Variants in MATN4 observed in about 807,000 individuals in gnomAD.
MATN4 encodes the protein matrilin-4.
Under a neutral mutation model 54.6 loss-of-function variants are expected in MATN4, and 40 were observed. That is an observed-to-expected ratio of 0.73 (90% CI 0.57 to 0.95). MATN4 has a LOEUF of 0.95. MATN4 is among the 40% of genes least tolerant of loss of function. MATN4 has a pLI of 0.00. For missense variants in MATN4, 810 were observed against 819.1 expected (o/e 0.99, Z 0.13); for synonymous variants, 351 against 345.3 (o/e 1.02, Z -0.18).
Position 45,300,874 on chromosome 20 carries a change from G to A in MATN4, c.1012+13C>T, listed in dbSNP as rs780267234. On this transcript the variant is annotated intron_variant, in intron 6 of 9. Coordinates refer to ENST00000372756, the MANE Select transcript of MATN4 (RefSeq NM_001393530.1). ...GCAGAAGCCAACAGAACACCCTCCCGCCCATCACTCACGGTTGCAGCTCTT... is the reference window on the plus strand; with the variant it reads ...GCAGAAGCCAACAGAACACCCTCCCACCCATCACTCACGGTTGCAGCTCTT... The A allele has an allele frequency of 2.6e-5, 42 of 1,611,582 alleles. No individual in the cohort carries two copies. The highest frequency in any genetic ancestry group is 3.2e-5 in the Non-Finnish European group (38 of 1,180,004).
intron 1 of MATN4, chr20:45,307,052 G>C: frequency 1.5e-6 from 1 of 686,260 alleles, no homozygotes; most frequent in Non-Finnish European, 2.1e-6. Context: ...GCCCCAAGGA[G>C]GCAGCCCGCC....
chr20:45,306,801 G>A (rs1198519386), intron 1 of MATN4: 2 of 761,042 alleles, frequency 2.6e-6, no homozygotes, highest in Non-Finnish European at 3.7e-6. Flanking sequence ...TGGAGATAAG[G>A]CCTGGACAGG....
At position 45,300,949 on chromosome 20, in the gene MATN4, A is replaced by G; in HGVS notation, c.950T>C (p.Leu317Pro). 1 of 1,614,022 alleles carries G rather than the reference A, an allele frequency of 6.2e-7. No homozygotes were observed. Among genetic ancestry groups the G allele is most frequent in the Non-Finnish European group, 8.5e-7 (1 of 1,180,030 alleles). The change falls in exon 6 of 10, where the codon CTC (leucine) becomes CCC (proline). Residue 317 changes from leucine (L) to proline (P), a missense_variant. By Grantham distance (98) the Leu-to-Pro change is moderately conservative. Transcript: ENST00000372756. Reference sequence around the variant, plus strand: ...CTCGGGGCACAGGCAGCGGTAGGAGAGGCCCTCGCTCACACACTGGAACTC... The same window carrying G: ...CTCGGGGCACAGGCAGCGGTAGGAGGGGCCCTCGCTCACACACTGGAACTC... ...GCEFQCVSEG[L>P]SYRCLCPEGR...
Position 45,293,799 on chromosome 20 carries a change from C to A in MATN4, c.1714G>T (p.Asp572Tyr), listed in dbSNP as rs1157667149. 6.2e-7 allele frequency: 1 copy of A among 1,611,016 alleles called. No homozygotes were observed. The highest frequency in any genetic ancestry group is 1.1e-5 in the South Asian group (1 of 91,038). The change falls in exon 10 of 10, where the codon GAT becomes TAT. Residue 572 changes from aspartate (D) to tyrosine (Y), a missense_variant. By Grantham distance (160) the Asp-to-Tyr change is radical. Coordinates refer to ENST00000372756, the MANE Select transcript of MATN4 (RefSeq NM_001393530.1). ...TGGTTGGCCAGCTGGTTCTCCAGAT[C>A]CTCCAGGCGCGCCGTCAGCTGGGCC... ...NLAQLTARLE[D>Y]LENQLANQK
chr20:45,308,330 C>G, upstream of MATN4: 2 of 967,748 alleles, frequency 2.1e-6, no homozygotes, highest in South Asian at 2.6e-5. Context: ...CCGCATTTAA[C>G]CCAGGGCTGG....
chr20:45,301,910 CTG>C (rs1986258742), intron 3 of MATN4, among the ~76,000 whole-genome samples: 2 of 151,354 alleles, frequency 1.3e-5, no homozygotes, highest in Admixed American at 1.3e-4. Flanking sequence ...ATGAGTAACT[CTG>C]TGGGTTGAGG....
chr20:45,304,076 G>T, intron 3 of MATN4, 152 bp downstream of exon 3: 1 of 579,848 alleles, frequency 1.7e-6, no homozygotes, highest in Non-Finnish European at 2.8e-6. Flanking sequence ...AGTGGTCAGA[G>T]CTGAAATCTG....
At chr20:45,294,099 T>G (rs1985660951) in intron 8 of MATN4, 84 bp from the exon 9 acceptor site, 1 of 1,057,308 alleles carries the variant, frequency 9.5e-7, no homozygotes, top group East Asian at 2.5e-5. Context: ...GGCCTATGGT[T>G]GAGTATATGG....
chr20:45,305,957 C>T (rs1482935347), intron 1 of MATN4, among the ~76,000 whole-genome samples: 2 of 151,548 alleles, frequency 1.3e-5, no homozygotes, highest in African/African-American at 4.9e-5. Context: ...GCTCCTGCCA[C>T]CACACCTGGC....
At chr20:45,302,769 C>T (rs1047655361) in intron 3 of MATN4, among the ~76,000 whole-genome samples, 1 of 151,596 alleles carries the variant, frequency 6.6e-6, no homozygotes, top group African/African-American at 2.4e-5. Flanking sequence ...AGAAGAGAAA[C>T]TGTAAGGATG....
chr20:45,305,805 C>CTTTTTTTTT (rs758735302), intron 1 of MATN4, among the ~76,000 whole-genome samples, 189 bp from the exon 2 acceptor site: 999 of 64,640 alleles, frequency 0.015, 321 homozygotes, highest in African/African-American at 0.047. Flanking sequence ...ACAAGAGATT[C>CTTTTTTTTT]TTTTTTTTTT....
In MATN4 at chr20:45,294,025, G is replaced by C. The variant is rs917956278; in HGVS notation, c.1580-10C>G. 1 of 1,592,164 alleles carries C rather than the reference G, an allele frequency of 6.3e-7. No individual in the cohort carries two copies. Among genetic ancestry groups the C allele is most frequent in the African/African-American group, 1.3e-5 (1 of 74,618 alleles). ...GCGCTGATGCCCTCCTCTGCAAGCC[G>C]GACACAGAGGGTCAGGGGGATGAGA... On this transcript the variant is annotated splice_polypyrimidine_tract_variant and intron_variant, in intron 8 of 9. Transcript: ENST00000372756.
At chr20:45,306,801 GCCT>G in intron 1 of MATN4, 2 of 761,160 alleles carry the variant, frequency 2.6e-6, no homozygotes, top group Non-Finnish European at 3.7e-6. Flanking sequence ...TGGAGATAAG[GCCT>G]GGACAGGATA....
intron 1 of MATN4, among the ~76,000 whole-genome samples, chr20:45,306,065 A>G (rs980543745): frequency 6.6e-6 from 1 of 151,752 alleles, no homozygotes; most frequent in Non-Finnish European, 1.5e-5. Flanking sequence ...TCGGCCTCCC[A>G]GAATGCTGGG....
chr20:45,308,149 C>A, intron 1 of MATN4, 26 bp downstream of exon 1: 1 of 1,612,702 alleles, frequency 6.2e-7, no homozygotes. Flanking sequence ...GCAGACCCCT[C>A]AGTGCCTCCC....
In MATN4 at chr20:45,308,271, G is replaced by A. The variant is rs745530873; in HGVS notation, c.-131C>T. 146 of 1,519,088 alleles carry A rather than the reference G, an allele frequency of 9.6e-5. No homozygotes were observed. In the Admixed American group the frequency reaches 9.9e-4, roughly 10 times the overall value. 94.1% of individuals were successfully genotyped at this position (1,519,088 alleles called of 1,614,324 possible). On this transcript the variant is annotated 5_prime_UTR_variant, in exon 1 of 10. It adds an upstream start codon to the 5' untranslated region. Coordinates refer to ENST00000372756, the MANE Select transcript of MATN4 (RefSeq NM_001393530.1). ...GACCAGGTAACGGCGGCGTGGCAGC[G>A]TGCCCTAGGTGGGGACTGCCAGGCA...
At chr20:45,306,761 G>A (rs557271541) in intron 1 of MATN4, 88 of 507,660 alleles carry the variant, frequency 1.7e-4, no homozygotes, top group African/African-American at 1.4e-3. Context: ...CGCCCACCCC[G>A]AGCAAACAGG....
chr20:45,293,957 C>T lies in MATN4; in HGVS notation c.1638G>A (p.Val546=). The T allele has an allele frequency of 2.5e-6, 4 of 1,603,180 alleles. No homozygotes were observed. Among genetic ancestry groups the T allele is most frequent in the Non-Finnish European group, 3.4e-6 (4 of 1,179,218 alleles). ...LRSPCECESL[V]EFQGRTLGAL... The stretch of plus-strand genomic sequence containing the variant: ...CCCCCAGCGTGCGGCCCTGGAACTC[C>T]ACGAGGCTTTCGCATTCGCATGGGC... The change falls in exon 9 of 10, where the codon GTG becomes GTA. Residue 546 remains valine, a synonymous_variant. Transcript: ENST00000372756.
intron 3 of MATN4, among the ~76,000 whole-genome samples, chr20:45,303,919 G>C (rs550649728): frequency 3.3e-5 from 5 of 152,232 alleles, no homozygotes; most frequent in Non-Finnish European, 7.3e-5. Context: ...CGACTCTTTG[G>C]AGCAGCCGAT....
Sources: allele counts gnomAD v4.1 joint callset (sites outside exome capture counted in the v4.1 genomes callset), GRCh38; gene constraint gnomAD v4.1.1; transcripts MANE v1.5; gene names NCBI Gene and HGNC (gene_info 2026-07-23, HGNC 2026-07-21).